KLF12: variants seen among roughly 807,000 people sequenced by gnomAD.
KLF12 encodes the protein Krueppel-like factor 12.
In KLF12, 9 loss-of-function variants were observed where a neutral mutation model predicts 37.8. That is an observed-to-expected ratio of 0.24 (90% CI 0.14 to 0.42). The LOEUF (loss-of-function observed/expected upper bound fraction) is 0.42, where lower values mean the gene tolerates loss of function less well. KLF12 is among the 10% of genes least tolerant of loss of function. KLF12 has a pLI of 1.00. For synonymous variants in KLF12, 208 were observed against 202.1 expected, an observed-to-expected ratio of 1.03 and a Z score of -0.25; for missense variants, 411 against 516.0, an observed-to-expected ratio of 0.80 and a Z score of 1.97.
chr13:73,712,111 G>A (rs1875442114), intron 7 of KLF12, among the ~76,000 whole-genome samples: 1 of 152,084 alleles, frequency 6.6e-6, no homozygotes, highest in Non-Finnish European at 1.5e-5. Flanking sequence ...GGCTGAGGTG[G>A]GCAGATCACC....
At chr13:74,288,989 C>T in the KLF12 span, 1 of 152,190 alleles carries the variant, frequency 6.6e-6, no homozygotes, top group African/African-American at 2.4e-5. Context: ...GCCGAACCAT[C>T]CTCATCTAAG....
intron 4 of KLF12, among the ~76,000 whole-genome samples, chr13:73,841,151 G>A (rs770183906): frequency 2.0e-4 from 30 of 152,128 alleles, no homozygotes; most frequent in Admixed American, 3.3e-4. Flanking sequence ...CTCATTTTGG[G>A]ACACCAATTC....
At chr13:74,164,357 A>G in the KLF12 span, among the ~76,000 whole-genome samples, 1 of 152,130 alleles carries the variant, frequency 6.6e-6, no homozygotes, top group Admixed American at 6.5e-5. Context: ...ATTTATTCTA[A>G]TATTTGTGCA....
At chr13:74,074,518 A>G (rs950059967) in intron 1 of KLF12, among the ~76,000 whole-genome samples, 5 of 152,188 alleles carry the variant, frequency 3.3e-5, no homozygotes, top group African/African-American at 1.2e-4. Context: ...ACCAGGTACC[A>G]TTCCAATGCT....
intron 3 of KLF12, among the ~76,000 whole-genome samples, chr13:73,857,436 A>G (rs973111727): frequency 3.3e-5 from 5 of 152,218 alleles, no homozygotes; most frequent in Admixed American, 1.3e-4. Context: ...GGGAAACTTC[A>G]TATGTTAAAA....
chr13:73,889,150 G>T (rs1298895257), intron 3 of KLF12, among the ~76,000 whole-genome samples: 1 of 152,206 alleles, frequency 6.6e-6, no homozygotes, highest in Non-Finnish European at 1.5e-5. Flanking sequence ...AAGGGGATTG[G>T]AGAGTTGGGT....
intron 7 of KLF12, among the ~76,000 whole-genome samples, chr13:73,696,301 T>C (rs1448205933): frequency 2.0e-5 from 3 of 152,146 alleles, no homozygotes; most frequent in Non-Finnish European, 4.4e-5. Context: ...TTTCAGGACT[T>C]AAGAATCAGG....
intron 7 of KLF12, among the ~76,000 whole-genome samples, chr13:73,697,750 G>A (rs1395503745): frequency 1.3e-5 from 2 of 152,088 alleles, no homozygotes; most frequent in Non-Finnish European, 1.5e-5. Context: ...CAGCTAGAGA[G>A]AGTGTAAGGC....
intron 3 of KLF12, among the ~76,000 whole-genome samples, chr13:73,864,692 C>T (rs1187156801): frequency 2.0e-5 from 3 of 152,084 alleles, no homozygotes; most frequent in African/African-American, 7.2e-5. Context: ...GTAAAATGTG[C>T]TGAAAGTTCT....
intron 1 of KLF12, among the ~76,000 whole-genome samples, chr13:74,131,656 T>C (rs1878265929): frequency 6.6e-6 from 1 of 152,152 alleles, no homozygotes; most frequent in Non-Finnish European, 1.5e-5. Flanking sequence ...CATTGCTAAG[T>C]AGTAGATAAA....
intron 7 of KLF12, among the ~76,000 whole-genome samples, chr13:73,709,125 G>C (rs1289288039): frequency 6.6e-6 from 1 of 152,048 alleles, no homozygotes; most frequent in Non-Finnish European, 1.5e-5. Context: ...TTTTAATTTA[G>C]AAAGGCACTC....
At chr13:73,993,751 T>A (rs565394816) in intron 2 of KLF12, among the ~76,000 whole-genome samples, 1 of 152,344 alleles carries the variant, frequency 6.6e-6, no homozygotes, top group South Asian at 2.1e-4. Context: ...TGAGAGCCAA[T>A]TGTTGAATTT....
chr13:74,202,712 C>T, the KLF12 span, among the ~76,000 whole-genome samples: 1 of 152,116 alleles, frequency 6.6e-6, no homozygotes, highest in South Asian at 2.1e-4. Flanking sequence ...CATTCCATAT[C>T]CAAATTATGG....
At chr13:73,939,631 A>AG (rs1178004721) in intron 3 of KLF12, among the ~76,000 whole-genome samples, 2 of 152,164 alleles carry the variant, frequency 1.3e-5, no homozygotes, top group East Asian at 3.9e-4. Flanking sequence ...CGAAAGTAAT[A>AG]GGGCCTTTTT....
At position 73,937,295 on chromosome 13, in the gene KLF12, C is replaced by A. The variant is rs149268743; in HGVS notation, c.123+6686G>T. ...AGAAAACACATCTACAGAGAAAACA[C>A]GCTTGATGGTCCAGATTTTTTTAAA... On this transcript the variant is annotated intron_variant, in intron 3 of 7. Transcript: ENST00000377669. Among the ~76,000 whole-genome samples the A allele has an allele frequency of 3.3e-3, 503 of 152,214 alleles. 3 individuals are homozygous for A. The highest frequency in any genetic ancestry group is 0.012 in the African/African-American group (480 of 41,524).
chr13:73,820,803 G>A (rs1454649722), intron 4 of KLF12, among the ~76,000 whole-genome samples: 1 of 152,214 alleles, frequency 6.6e-6, no homozygotes, highest in African/African-American at 2.4e-5. Context: ...CCACTTCTCA[G>A]TTGTAATGCT....
At chr13:73,895,703 C>T (rs576880938) in intron 3 of KLF12, among the ~76,000 whole-genome samples, 12 of 152,096 alleles carry the variant, frequency 7.9e-5, no homozygotes, top group African/African-American at 2.7e-4. Context: ...AAAAGGCTGA[C>T]CTGACTGAGA....
At chr13:74,015,129 A>G (rs992982936) in intron 1 of KLF12, among the ~76,000 whole-genome samples, 7 of 152,190 alleles carry the variant, frequency 4.6e-5, no homozygotes, top group Admixed American at 6.5e-5. Context: ...TTGTAAAACA[A>G]TGCTAGAAAA....
chr13:74,216,261 C>T, the KLF12 span, among the ~76,000 whole-genome samples: 1 of 152,320 alleles, frequency 6.6e-6, no homozygotes, highest in African/African-American at 2.4e-5. Context: ...AATACCCACA[C>T]ACACACAAAC....
Sources: allele counts gnomAD v4.1 joint callset (sites outside exome capture counted in the v4.1 genomes callset), GRCh38; gene constraint gnomAD v4.1.1; transcripts MANE v1.5; gene names NCBI Gene and HGNC (gene_info 2026-07-23, HGNC 2026-07-21).